The following ARHGAP29 variants were observed in gnomAD, a reference collection of about 807,000 sequenced individuals.
ARHGAP29 encodes the protein rho GTPase-activating protein 29.
A neutral mutation model predicts 122.6 loss-of-function variants in ARHGAP29; 43 were observed. The ratio of observed to expected loss-of-function variants is 0.35; its 90% CI spans 0.27 to 0.45. ARHGAP29 has a LOEUF of 0.45. Among genes scored for constraint, ARHGAP29 ranks in the 20% least tolerant of loss-of-function variants. The pLI, the probability that ARHGAP29 is intolerant of heterozygous loss-of-function variation, is 1.00. For synonymous variants in ARHGAP29, 506 were observed against 497.1 expected (o/e 1.02, Z -0.24); for missense variants, 1,303 against 1,477.2 (o/e 0.88, Z 1.93).
At chr1:94,196,012 TA>T (rs1263297096) in intron 12 of ARHGAP29, 1 of 152,088 alleles carries the variant, frequency 6.6e-6, no homozygotes, top group Non-Finnish European at 1.5e-5. Context: ...CTGATAGAAC[TA>T]AAAACACACA....
chr1:94,199,390 A>G (rs1039210838), intron 12 of ARHGAP29, among the ~76,000 whole-genome samples: 1 of 152,226 alleles, frequency 6.6e-6, no homozygotes, highest in Admixed American at 6.5e-5. Flanking sequence ...AAACAAGTGG[A>G]TATCTGCATT....
intron 2 of ARHGAP29, among the ~76,000 whole-genome samples, chr1:94,226,417 C>A (rs1235101532): frequency 6.6e-6 from 1 of 151,864 alleles, no homozygotes; most frequent in Non-Finnish European, 1.5e-5. Context: ...CAGAAACAAG[C>A]ATAAAGGAAG....
At chr1:94,304,768 G>A in the ARHGAP29 span, among the ~76,000 whole-genome samples, 2 of 152,194 alleles carry the variant, frequency 1.3e-5, no homozygotes, top group African/African-American at 4.8e-5. Context: ...AAACAGTCAT[G>A]ATTTGGATTT....
intron 12 of ARHGAP29, among the ~76,000 whole-genome samples, chr1:94,197,935 G>A (rs1650574818): frequency 6.6e-6 from 1 of 152,130 alleles, no homozygotes; most frequent in South Asian, 2.1e-4. Context: ...GGACAATTAG[G>A]CCAGGATGTC....
chr1:94,298,001 G>T, the ARHGAP29 span, among the ~76,000 whole-genome samples: 1 of 152,138 alleles, frequency 6.6e-6, no homozygotes, highest in Non-Finnish European at 1.5e-5. Flanking sequence ...GAAAGCTATC[G>T]ATTTTCTCTG....
intron 1 of ARHGAP29, among the ~76,000 whole-genome samples, chr1:94,258,500 G>A (rs1654446065): frequency 6.6e-6 from 1 of 152,200 alleles, no homozygotes; most frequent in African/African-American, 2.4e-5. Flanking sequence ...ATACCACAGT[G>A]TTCTTTGCCT....
At chr1:94,197,605 A>G (rs1417735017) in intron 12 of ARHGAP29, among the ~76,000 whole-genome samples, 1 of 152,198 alleles carries the variant, frequency 6.6e-6, no homozygotes, top group Non-Finnish European at 1.5e-5. Context: ...AAGAAAAAAT[A>G]CTCAACAAAG....
At chr1:94,285,850 G>A in the ARHGAP29 span, among the ~76,000 whole-genome samples, 1 of 128,954 alleles carries the variant, frequency 7.8e-6, no homozygotes, top group South Asian at 2.5e-4. Context: ...ACTCCAGCCT[G>A]ATGACAGAGC....
At chr1:94,288,785 T>C in the ARHGAP29 span, among the ~76,000 whole-genome samples, 1 of 152,200 alleles carries the variant, frequency 6.6e-6, no homozygotes, top group Non-Finnish European at 1.5e-5. Flanking sequence ...TTTTGTCAGG[T>C]TTGTCAAAGA....
At chr1:94,298,346 T>C in the ARHGAP29 span, among the ~76,000 whole-genome samples, 2 of 152,240 alleles carry the variant, frequency 1.3e-5, no homozygotes, top group Non-Finnish European at 2.9e-5. Flanking sequence ...GTACTAAGTG[T>C]TTACGGTCTT....
chr1:94,249,030 T>C (rs1653971201), intron 1 of ARHGAP29, among the ~76,000 whole-genome samples: 1 of 152,178 alleles, frequency 6.6e-6, no homozygotes, highest in African/African-American at 2.4e-5. Context: ...TATAAGTAAA[T>C]ATGATTATTA....
chr1:94,177,858 T>G lies in ARHGAP29; in HGVS notation c.2790A>C (p.Ser930=). The stretch of plus-strand genomic sequence containing the variant: ...CTATAAAGGTCAAACTCACTTCCTT[T>G]GAAGAAAAAAATAGTGACTTCATGG... ...ERSMKSLFFS[S]KEDIHTSESE... Residue 930 remains serine (S), a synonymous_variant, in exon 21 of 23, where the codon TCA becomes TCC. Coordinates refer to ENST00000260526, the MANE Select transcript of ARHGAP29 (RefSeq NM_004815.4). 1 of 1,605,874 alleles carries G rather than the reference T, an allele frequency of 6.2e-7. No individual in the cohort carries two copies. Among genetic ancestry groups the G allele is most frequent in the East Asian group, 2.2e-5 (1 of 44,842 alleles).
intron 5 of ARHGAP29, among the ~76,000 whole-genome samples, chr1:94,206,645 A>C (rs4847200): frequency 0.95 from 145,232 of 152,084 alleles, 69,721 homozygotes; most frequent in East Asian, 1. Context: ...ACCTGTAATC[A>C]CAGAACTTTG....
At chr1:94,302,690 G>A in the ARHGAP29 span, 4 of 439,532 alleles carry the variant, frequency 9.1e-6, no homozygotes, top group Non-Finnish European at 1.8e-5. Context: ...TCCCCAAGCC[G>A]AACAGGAAGC....
At chr1:94,255,604 T>A (rs1171105356) in intron 1 of ARHGAP29, among the ~76,000 whole-genome samples, 2 of 152,176 alleles carry the variant, frequency 1.3e-5, no homozygotes, top group Non-Finnish European at 2.9e-5. Flanking sequence ...TTCCTAATAT[T>A]CACAAGTCAC....
chr1:94,272,496 G>C (rs1488569273), intron 1 of ARHGAP29, among the ~76,000 whole-genome samples: 1 of 152,140 alleles, frequency 6.6e-6, no homozygotes, highest in African/African-American at 2.4e-5. Flanking sequence ...TCCAGCTGCT[G>C]CATCTTTGAA....
At chr1:94,292,947 A>G in the ARHGAP29 span, among the ~76,000 whole-genome samples, 6 of 152,146 alleles carry the variant, frequency 3.9e-5, no homozygotes, top group Admixed American at 3.9e-4. Flanking sequence ...TCTGTCTGTT[A>G]TTGGACCTTG....
At chr1:94,289,724 G>A in the ARHGAP29 span, among the ~76,000 whole-genome samples, 13,767 of 152,178 alleles carry the variant, frequency 0.09, 670 homozygotes, top group South Asian at 0.13. Context: ...TTTGTTGAAG[G>A]CCGTTTCTGC....
At chr1:94,289,047 G>A in the ARHGAP29 span, among the ~76,000 whole-genome samples, 1 of 152,168 alleles carries the variant, frequency 6.6e-6, no homozygotes, top group African/African-American at 2.4e-5. Flanking sequence ...GCAGGTTGAT[G>A]GGGATAGTAT....
Sources: allele counts gnomAD v4.1 joint callset (sites outside exome capture counted in the v4.1 genomes callset), GRCh38; gene constraint gnomAD v4.1.1; transcripts MANE v1.5; gene names NCBI Gene and HGNC (gene_info 2026-07-23, HGNC 2026-07-21).